The following LINGO2 variants were observed in gnomAD, a reference collection of about 807,000 sequenced individuals.
LINGO2 encodes the protein leucine rich repeat and Ig domain containing 2.
A neutral mutation model predicts 30.6 loss-of-function variants in LINGO2; 14 were observed. The observed-to-expected ratio is 0.46, with a 90% CI of 0.30 to 0.72. The LOEUF is 0.72. Ranked by LOEUF, LINGO2 falls within the 30% of genes least tolerant of loss-of-function variation. The pLI, the probability that LINGO2 is intolerant of heterozygous loss-of-function variation, is 0.07. For synonymous variants in LINGO2, 317 were observed against 288.5 expected (o/e 1.10, Z -1.00); for missense variants, 729 against 751.7 (o/e 0.97, Z 0.35).
At chr9:28,616,706 T>G (rs1285592915) in intron 1 of LINGO2, among the ~76,000 whole-genome samples, 1 of 152,196 alleles carries the variant, frequency 6.6e-6, no homozygotes, top group Non-Finnish European at 1.5e-5. Context: ...GTGGACACTG[T>G]GCAATCATTT....
At chr9:28,186,247 G>A (rs577811460) in intron 4 of LINGO2, among the ~76,000 whole-genome samples, 1 of 152,232 alleles carries the variant, frequency 6.6e-6, no homozygotes, top group Non-Finnish European at 1.5e-5. Context: ...AAATGAAGAG[G>A]CTCATATTGC....
chr9:28,480,431 G>C (rs946880216), intron 1 of LINGO2, among the ~76,000 whole-genome samples: 4 of 151,992 alleles, frequency 2.6e-5, no homozygotes, highest in African/African-American at 9.7e-5. Context: ...ATGGGAACAG[G>C]CTCAAGGAAT....
intron 4 of LINGO2, among the ~76,000 whole-genome samples, chr9:28,246,852 C>A (rs559252251): frequency 6.6e-6 from 1 of 152,102 alleles, no homozygotes; most frequent in Non-Finnish European, 1.5e-5. Context: ...GCAATCTACC[C>A]TTTTGACAAA....
chr9:27,968,714 G>C (rs1489173587), intron 5 of LINGO2, among the ~76,000 whole-genome samples: 2 of 151,804 alleles, frequency 1.3e-5, no homozygotes, highest in African/African-American at 4.8e-5. Context: ...ACTCTGTTCT[G>C]AATGAATAAT....
chr9:28,332,609 G>A (rs1825462741), intron 3 of LINGO2, among the ~76,000 whole-genome samples: 1 of 151,730 alleles, frequency 6.6e-6, no homozygotes, highest in East Asian at 1.9e-4. Context: ...CAGGGGGAAT[G>A]GGGAAAAGGT....
chr9:28,703,378 T>A, the LINGO2 span, among the ~76,000 whole-genome samples: 4 of 151,870 alleles, frequency 2.6e-5, no homozygotes, highest in Non-Finnish European at 5.9e-5. Context: ...TGGAATGAGG[T>A]GTTATTTAGA....
At chr9:29,109,629 A>G in the LINGO2 span, among the ~76,000 whole-genome samples, 10 of 152,340 alleles carry the variant, frequency 6.6e-5, no homozygotes, top group African/African-American at 2.4e-4. Flanking sequence ...ACAGGGTATT[A>G]AAAGTGGATA....
At chr9:29,065,738 T>C in the LINGO2 span, among the ~76,000 whole-genome samples, 1 of 151,966 alleles carries the variant, frequency 6.6e-6, no homozygotes, top group Non-Finnish European at 1.5e-5. Context: ...TAAGAGCTCA[T>C]ATGAATATGC....
chr9:28,703,833 T>C, the LINGO2 span, among the ~76,000 whole-genome samples: 2 of 151,998 alleles, frequency 1.3e-5, no homozygotes, highest in Non-Finnish European at 2.9e-5. Flanking sequence ...GTAGTATAGG[T>C]ACCTTATAAT....
chr9:28,493,219 C>A (rs892571973), intron 1 of LINGO2, among the ~76,000 whole-genome samples: 1 of 152,098 alleles, frequency 6.6e-6, no homozygotes, highest in African/African-American at 2.4e-5. Flanking sequence ...GAGGCTTTGC[C>A]TTTTTGTCCT....
chr9:28,125,800 G>A (rs529809230), intron 4 of LINGO2, among the ~76,000 whole-genome samples: 3 of 152,184 alleles, frequency 2.0e-5, no homozygotes, highest in Admixed American at 1.3e-4. Flanking sequence ...ACTGCCTAAG[G>A]CTGATCAATC....
intron 4 of LINGO2, among the ~76,000 whole-genome samples, chr9:28,137,635 A>T (rs1827555592): frequency 6.6e-6 from 1 of 152,080 alleles, no homozygotes; most frequent in Non-Finnish European, 1.5e-5. Flanking sequence ...TTAACATGAA[A>T]AAGTGAATAT....
In LINGO2 at chr9:28,148,232, C is replaced by G; in HGVS notation, c.-86-135827G>C. On this transcript the variant is annotated intron_variant, in intron 4 of 5. Transcript: ENST00000379992. This position sits in a 1 kb window ranked among gnomAD's most constrained non-coding sequence, Gnocchi z 5.1. ...CCCTATGAGGCTGTGTCTTATCCCT[C>G]GGAACATGGGCACCCCACAGAGGGT... 4 of 725,342 alleles carry G rather than the reference C, an allele frequency of 5.5e-6. No individual in the cohort carries two copies. Among genetic ancestry groups the G allele is most frequent in the Non-Finnish European group, 8.8e-6 (4 of 453,546 alleles). The allele number at this position is 725,342 out of a possible 1,614,324, so 44.9% of individuals were successfully genotyped here. A position where few individuals can be genotyped will look rare whatever the true frequency, so the allele number is the denominator to read the frequency against.
At chr9:29,145,200 A>G in the LINGO2 span, among the ~76,000 whole-genome samples, 3 of 152,166 alleles carry the variant, frequency 2.0e-5, no homozygotes, top group African/African-American at 7.2e-5. Flanking sequence ...ATAACTTCAT[A>G]TTGTGCAAAT....
At chr9:28,741,056 T>G in the LINGO2 span, among the ~76,000 whole-genome samples, 1 of 151,882 alleles carries the variant, frequency 6.6e-6, no homozygotes, top group Non-Finnish European at 1.5e-5. Flanking sequence ...CATGAGCTAG[T>G]CTTATCTGCA....
chr9:28,929,526 G>A, the LINGO2 span, among the ~76,000 whole-genome samples: 6 of 152,104 alleles, frequency 3.9e-5, no homozygotes, highest in African/African-American at 1.4e-4. Context: ...AGGAACTGAG[G>A]CCTGGACATA....
At chr9:29,005,471 C>A in the LINGO2 span, among the ~76,000 whole-genome samples, 1 of 151,940 alleles carries the variant, frequency 6.6e-6, no homozygotes, top group African/African-American at 2.4e-5. Context: ...CAAAGTGGTG[C>A]GGTATTTACA....
intron 4 of LINGO2, among the ~76,000 whole-genome samples, chr9:28,029,819 G>C (rs533170417): frequency 6.6e-6 from 1 of 152,174 alleles, no homozygotes; most frequent in East Asian, 1.9e-4. Flanking sequence ...TTCTTCAACT[G>C]TTGTATGTAT....
chr9:28,964,277 G>A, the LINGO2 span, among the ~76,000 whole-genome samples: 172 of 151,952 alleles, frequency 1.1e-3, no homozygotes, highest in African/African-American at 4.0e-3. Flanking sequence ...ACAGAGAAGG[G>A]CACCTAACTC....
Sources: gnomAD v4.1 joint callset for allele counts (sites outside exome capture counted in the v4.1 genomes callset) on GRCh38, gnomAD v4.1.1 for gene constraint, Gnocchi (gnomAD v3.1) non-coding constraint, MANE v1.5 for transcripts, NCBI Gene and HGNC (gene_info 2026-07-23, HGNC 2026-07-21) for gene names.